The following KCNQ1OT1 variants were observed in gnomAD, a reference collection of about 807,000 sequenced individuals.
KCNQ1OT1 encodes the protein KCNQ1 opposite strand/antisense transcript 1, also known as KCNQ1 antisense RNA 2 (non-protein coding).
chr11:2,675,439 A>T, exon 1 of KCNQ1OT1: 1 of 398,684 alleles, frequency 2.5e-6, no homozygotes, highest in Non-Finnish European at 4.4e-6. Flanking sequence ...CGTTAAAATA[A>T]AAGATGATCT....
At chr11:2,689,912 T>C (rs231351) in exon 1 of KCNQ1OT1, 246,354 of 398,680 alleles carry the variant, frequency 0.62, 81,484 homozygotes, top group East Asian at 0.99. Context: ...CTGCTCCAAC[T>C]TCTGGTACTC....
chr11:2,696,346 T>G (rs1308031992), exon 1 of KCNQ1OT1: 1 of 398,506 alleles, frequency 2.5e-6, no homozygotes, highest in Non-Finnish European at 4.4e-6. Context: ...CTTTCCAACA[T>G]CATCTTCTGA....
chr11:2,627,345 T>A lies in KCNQ1OT1; in HGVS notation n.72650A>T. The A allele has an allele frequency of 2.5e-6, 1 of 398,530 alleles. No homozygotes were observed. Among genetic ancestry groups the A allele is most frequent in the Admixed American group, 4.4e-5 (1 of 22,730 alleles). 24.7% of individuals were successfully genotyped at this position (398,530 alleles called of 1,614,324 possible). A position where few individuals can be genotyped will look rare whatever the true frequency, so the allele number is the denominator to read the frequency against. On this transcript the variant is annotated non_coding_transcript_exon_variant, in exon 1 of 1. Coordinates refer to ENST00000597346, the Ensembl canonical transcript of KCNQ1OT1. This position sits in a 1 kb window ranked among gnomAD's most constrained non-coding sequence, Gnocchi z 4.9. ...TCAGAATACCTAAGCTATACTCTCTTAGCAAATTCCAAGTATAGAATATAT... is the reference window on the plus strand; with the variant it reads ...TCAGAATACCTAAGCTATACTCTCTAAGCAAATTCCAAGTATAGAATATAT...
exon 1 of KCNQ1OT1, chr11:2,694,347 T>C (rs1361896588): frequency 5.0e-6 from 2 of 398,552 alleles, no homozygotes; most frequent in Non-Finnish European, 8.8e-6. Context: ...AGGGGACATA[T>C]GGCAATGTCT....
exon 1 of KCNQ1OT1, chr11:2,609,249 G>C (rs7104624): frequency 2.3e-5 from 9 of 397,952 alleles, no homozygotes; most frequent in African/African-American, 1.9e-4. Flanking sequence ...CTCAAAGTAC[G>C]TTCCATTTCC....
chr11:2,622,566 G>A (rs1849192057), exon 1 of KCNQ1OT1: 1 of 398,314 alleles, frequency 2.5e-6, no homozygotes, highest in South Asian at 1.3e-4. Context: ...TAAAAAAGAA[G>A]TTCTGACATT....
exon 1 of KCNQ1OT1, chr11:2,680,996 G>T: frequency 5.0e-6 from 2 of 398,478 alleles, no homozygotes; most frequent in Non-Finnish European, 8.8e-6. Flanking sequence ...GGTGAAATAG[G>T]TATGTGTTCT....
chr11:2,658,098 G>T lies in KCNQ1OT1; in HGVS notation n.41897C>A. On this transcript the variant is annotated non_coding_transcript_exon_variant, in exon 1 of 1. Coordinates refer to ENST00000597346, the Ensembl canonical transcript of KCNQ1OT1. This position sits in a 1 kb window ranked among gnomAD's most constrained non-coding sequence, Gnocchi z 4.9. The stretch of plus-strand genomic sequence containing the variant: ...AGGGAGGGGTTCAACTCTACCTCCT[G>T]CAGGAGAGTATCAAAAAAAATCTGC... The T allele has an allele frequency of 2.5e-6, 1 of 398,522 alleles. No individual in the cohort carries two copies. 24.7% of individuals were successfully genotyped at this position (398,522 alleles called of 1,614,324 possible). A position where few individuals can be genotyped will look rare whatever the true frequency, so the allele number is the denominator to read the frequency against.
exon 1 of KCNQ1OT1, chr11:2,672,980 C>T (rs1407658368): frequency 2.5e-6 from 1 of 398,608 alleles, no homozygotes; most frequent in Non-Finnish European, 4.4e-6. Context: ...CCCTGCAGGC[C>T]TTGCCTAAAG....
chr11:2,618,890 T>C (rs1306318983), exon 1 of KCNQ1OT1: 2 of 398,320 alleles, frequency 5.0e-6, no homozygotes, highest in Non-Finnish European at 8.9e-6. Flanking sequence ...GTACAGGTCT[T>C]TCATCTTTTT....
At position 2,683,519 on chromosome 11, in the gene KCNQ1OT1, A is replaced by G; in HGVS notation, n.16476T>C. On this transcript the variant is annotated non_coding_transcript_exon_variant, in exon 1 of 1. Coordinates refer to ENST00000597346, the Ensembl canonical transcript of KCNQ1OT1. The surrounding 1 kb of genome is among the most constrained non-coding windows in gnomAD (Gnocchi z 4.7). ...CTTGTTAAAGCATAGAGCTTAGTTC[A>G]GAGTAAACATTTCTAAAAAAGAGGT... The G allele has an allele frequency of 2.5e-6, 1 of 398,660 alleles. No homozygotes were observed. Among genetic ancestry groups the G allele is most frequent in the South Asian group, 1.3e-4 (1 of 7,864 alleles). The allele number at this position is 398,660 out of a possible 1,614,324, so 24.7% of individuals were successfully genotyped here.
At position 2,659,698 on chromosome 11, in the gene KCNQ1OT1, TTTTGC is replaced by T. The variant is rs1849915713; in HGVS notation, n.40292_40296del. 1.0e-5 allele frequency: 4 copies of T among 398,526 alleles called. No individual in the cohort carries two copies. In the Admixed American group the frequency reaches 1.3e-4, roughly 13 times the overall value. The allele number at this position is 398,526 out of a possible 1,614,324, so 24.7% of individuals were successfully genotyped here. On this transcript the variant is annotated non_coding_transcript_exon_variant, in exon 1 of 1. Transcript: ENST00000597346. The surrounding 1 kb of genome is among the most constrained non-coding windows in gnomAD (Gnocchi z 4.3). Reference sequence around the variant, plus strand: ...ACTATTTCCTAAAGTCACTGTGCCATTTTGCATTCCCACCAGTAACATATGAGAGT... The same window carrying T: ...ACTATTTCCTAAAGTCACTGTGCCATATTCCCACCAGTAACATATGAGAGT...
chr11:2,690,497 G>A lies in KCNQ1OT1; in HGVS notation n.9498C>T. The A allele has an allele frequency of 5.0e-6, 2 of 398,656 alleles. No homozygotes were observed. Among genetic ancestry groups the A allele is most frequent in the Non-Finnish European group, 4.4e-6 (1 of 226,092 alleles). The allele number at this position is 398,656 out of a possible 1,614,324, so 24.7% of individuals were successfully genotyped here. ...GGAACAGCCACTGGGCCCAGTCGGG[G>A]GGGTCTCAGCACCTATCACAAAGAA... is the stretch of plus-strand genomic sequence containing the variant. On this transcript the variant is annotated non_coding_transcript_exon_variant, in exon 1 of 1. Transcript: ENST00000597346. The surrounding 1 kb of genome is among the most constrained non-coding windows in gnomAD (Gnocchi z 5.1).
rs1256692295 is a variant in KCNQ1OT1, at chr11:2,668,035, C to CT, written n.31959dup. On this transcript the variant is annotated non_coding_transcript_exon_variant, in exon 1 of 1. Coordinates refer to ENST00000597346, the Ensembl canonical transcript of KCNQ1OT1. This position sits in a 1 kb window ranked among gnomAD's most constrained non-coding sequence, Gnocchi z 4.3. ...CCTAACTGCTAGCAGCAAGGACCAG[C>CT]TTTGCCCACATTTGAACTTTATGCG... 3 of 398,538 alleles carry CT rather than the reference C, an allele frequency of 7.5e-6. No homozygotes were observed. The highest frequency in any genetic ancestry group is 1.3e-5 in the Non-Finnish European group (3 of 226,088). 24.7% of individuals were successfully genotyped at this position (398,538 alleles called of 1,614,324 possible). A position where few individuals can be genotyped will look rare whatever the true frequency, so the allele number is the denominator to read the frequency against.
Position 2,645,807 on chromosome 11 carries a change from T to C in KCNQ1OT1, n.54188A>G. ...ATGCAGTCTGGTGGGGGTTGGGCTA[T>C]CAAAATGGGACTTTCCTGAAGTTGC... On this transcript the variant is annotated non_coding_transcript_exon_variant, in exon 1 of 1. Coordinates refer to ENST00000597346, the Ensembl canonical transcript of KCNQ1OT1. This position sits in a 1 kb window ranked among gnomAD's most constrained non-coding sequence, Gnocchi z 5.8. 2 of 398,688 alleles carry C rather than the reference T, an allele frequency of 5.0e-6. No individual in the cohort carries two copies. The highest frequency in any genetic ancestry group is 8.8e-6 in the Non-Finnish European group (2 of 226,164). The allele number at this position is 398,688 out of a possible 1,614,324, so 24.7% of individuals were successfully genotyped here.
At position 2,682,141 on chromosome 11, in the gene KCNQ1OT1, T is replaced by C. The variant is rs1007434485; in HGVS notation, n.17854A>G. ...GCAGGAGATGTCCCAGCTCATCAAA[T>C]ATTCTTTCAGTATTAAACATATCAA... On this transcript the variant is annotated non_coding_transcript_exon_variant, in exon 1 of 1. Coordinates refer to ENST00000597346, the Ensembl canonical transcript of KCNQ1OT1. The surrounding 1 kb of genome is among the most constrained non-coding windows in gnomAD (Gnocchi z 5.8). The C allele has an allele frequency of 7.5e-6, 3 of 398,508 alleles. No homozygotes were observed. Among genetic ancestry groups the C allele is most frequent in the Non-Finnish European group, 1.3e-5 (3 of 226,094 alleles). 24.7% of individuals were successfully genotyped at this position (398,508 alleles called of 1,614,324 possible).
chr11:2,621,132 C>T lies in KCNQ1OT1; in HGVS notation n.78863G>A, dbSNP rs1849164988. On this transcript the variant is annotated non_coding_transcript_exon_variant, in exon 1 of 1. Transcript: ENST00000597346. The surrounding 1 kb of genome is among the most constrained non-coding windows in gnomAD (Gnocchi z 5.7). The stretch of plus-strand genomic sequence containing the variant: ...AGCTGGGATTACAGGTGACCGCCAC[C>T]ATACCTGGCTAATTTTTGTGTTTTT... 2 of 397,250 alleles carry T rather than the reference C, an allele frequency of 5.0e-6. No homozygotes were observed. The highest frequency in any genetic ancestry group is 2.1e-5 in the African/African-American group (1 of 48,694). The allele number at this position is 397,250 out of a possible 1,614,324, so 24.6% of individuals were successfully genotyped here. A position where few individuals can be genotyped will look rare whatever the true frequency, so the allele number is the denominator to read the frequency against.
rs1308021672 is a variant in KCNQ1OT1 at position 2,698,449 on chromosome 11, C to A, written n.1546G>T. 1.3e-5 allele frequency: 5 copies of A among 398,296 alleles called. No homozygotes were observed. The highest frequency in any genetic ancestry group is 4.4e-6 in the Non-Finnish European group (1 of 226,058). 24.7% of individuals were successfully genotyped at this position (398,296 alleles called of 1,614,324 possible). ...AGCCTACTACCCAGACTGAGACCTGCATCTGATCAACTCTCATCTCCAATA... is the reference window on the plus strand; with the variant it reads ...AGCCTACTACCCAGACTGAGACCTGAATCTGATCAACTCTCATCTCCAATA... On this transcript the variant is annotated non_coding_transcript_exon_variant, in exon 1 of 1. Transcript: ENST00000597346. This position sits in a 1 kb window ranked among gnomAD's most constrained non-coding sequence, Gnocchi z 5.1.
Position 2,676,333 on chromosome 11 carries a change from A to G in KCNQ1OT1, n.23662T>C. On this transcript the variant is annotated non_coding_transcript_exon_variant, in exon 1 of 1. Transcript: ENST00000597346. This position sits in a 1 kb window ranked among gnomAD's most constrained non-coding sequence, Gnocchi z 4.2. ...GTGATGGCTCTGAACAGTGTAGTTG[A>G]AGTGCTGTTTTCTCATGGTTGGGCT... 1 of 398,642 alleles carries G rather than the reference A, an allele frequency of 2.5e-6. No homozygotes were observed. Among genetic ancestry groups the G allele is most frequent in the Non-Finnish European group, 4.4e-6 (1 of 226,068 alleles). The allele number at this position is 398,642 out of a possible 1,614,324, so 24.7% of individuals were successfully genotyped here. A position where few individuals can be genotyped will look rare whatever the true frequency, so the allele number is the denominator to read the frequency against.
Sources: gnomAD v4.1 joint callset for allele counts on GRCh38, gnomAD v4.1.1 for gene constraint, Gnocchi (gnomAD v3.1) non-coding constraint, MANE v1.5 for transcripts, NCBI Gene and HGNC (gene_info 2026-07-23, HGNC 2026-07-21) for gene names.